C4orf50: variants seen among roughly 807,000 people sequenced by gnomAD.
C4orf50 encodes chromosome 4 open reading frame 50, also known as uncharacterized protein C4orf50.
In C4orf50, 80 loss-of-function variants were observed where a neutral mutation model predicts 77.2. That is an observed-to-expected ratio of 1.04 (90% CI 0.87 to 1.25). The LOEUF is 1.25. Among genes scored for constraint, C4orf50 ranks in the 50% most tolerant of loss-of-function variants. The pLI, the probability that C4orf50 is intolerant of heterozygous loss-of-function variation, is 0.00. For synonymous variants in C4orf50, 532 were observed against 465.3 expected (o/e 1.14, Z -1.84); for missense variants, 1,257 against 1,152.9 (o/e 1.09, Z -1.31).
chr4:5,963,763 T>C (rs1303179847), intron 33 of C4orf50, among the ~76,000 whole-genome samples: 2 of 152,230 alleles, frequency 1.3e-5, no homozygotes, highest in African/African-American at 4.8e-5. Context: ...CACTCAGCTC[T>C]GCCTGCCTGA....
At chr4:5,921,675 G>A (rs1717279575) in intron 7 of C4orf50, among the ~76,000 whole-genome samples, 2 of 152,294 alleles carry the variant, frequency 1.3e-5, no homozygotes, top group African/African-American at 2.4e-5. Flanking sequence ...AGAGGAGGAG[G>A]AGGGGACACT....
intron 7 of C4orf50, among the ~76,000 whole-genome samples, chr4:5,907,377 G>C (rs545760041): frequency 6.6e-6 from 1 of 152,234 alleles, no homozygotes; most frequent in South Asian, 2.1e-4. Flanking sequence ...AGGAATTATA[G>C]ATATCCAACA....
At chr4:6,013,302 T>A (rs575251061) in intron 23 of C4orf50, among the ~76,000 whole-genome samples, 1 of 152,182 alleles carries the variant, frequency 6.6e-6, no homozygotes, top group Admixed American at 6.5e-5. Context: ...CAGCTCCAGT[T>A]AGCCAGAGTC....
chr4:5,926,709 G>A (rs897348614), intron 7 of C4orf50, among the ~76,000 whole-genome samples: 7 of 151,854 alleles, frequency 4.6e-5, no homozygotes, highest in African/African-American at 1.7e-4. Flanking sequence ...AATGACAAGC[G>A]CAATAAAGTG....
At chr4:5,977,925 T>C (rs1454948851) in intron 29 of C4orf50, among the ~76,000 whole-genome samples, 1 of 152,174 alleles carries the variant, frequency 6.6e-6, no homozygotes, top group Admixed American at 6.5e-5. Flanking sequence ...ATATATCTAA[T>C]AAAGGACTTC....
intron 26 of C4orf50, among the ~76,000 whole-genome samples, chr4:5,993,236 C>T (rs140314077): frequency 6.6e-6 from 1 of 152,350 alleles, no homozygotes; most frequent in East Asian, 1.9e-4. Context: ...GCATCCTCAT[C>T]TGTCAAACAG....
At chr4:6,001,644 A>C (rs1395632046) in intron 25 of C4orf50, among the ~76,000 whole-genome samples, 2 of 152,204 alleles carry the variant, frequency 1.3e-5, no homozygotes, top group Non-Finnish European at 2.9e-5. Context: ...GATAACAGAG[A>C]GTCAGTGCTA....
intron 29 of C4orf50, 121 bp downstream of exon 7, chr4:5,980,053 C>A: frequency 5.9e-5 from 38 of 646,316 alleles, no homozygotes; most frequent in East Asian, 1.9e-4. Flanking sequence ...CTTTAAAAAT[C>A]CAGTACCTGC....
chr4:6,003,907 ATGT>A (rs376476078), intron 25 of C4orf50, among the ~76,000 whole-genome samples: 15,653 of 90,556 alleles, frequency 0.17, 2,387 homozygotes, highest in African/African-American at 0.19. Flanking sequence ...TGTGATGGTG[ATGT>A]TGATGATGGT....
chr4:5,947,926 C>T (rs369388780), intron 7 of C4orf50, among the ~76,000 whole-genome samples: 5 of 152,360 alleles, frequency 3.3e-5, no homozygotes, highest in South Asian at 2.1e-4. Flanking sequence ...CGAGATCAGA[C>T]GCATCCAGAT....
chr4:5,962,012 T>G (rs1020303242), intron 33 of C4orf50, among the ~76,000 whole-genome samples: 1 of 152,228 alleles, frequency 6.6e-6, no homozygotes, highest in African/African-American at 2.4e-5. Flanking sequence ...GCTTGCTGTC[T>G]GTTTTTGCCC....
At chr4:6,005,919 T>C (rs58123967) in intron 25 of C4orf50, among the ~76,000 whole-genome samples, 1,920 of 152,164 alleles carry the variant, frequency 0.013, 23 homozygotes, top group African/African-American at 0.034. Flanking sequence ...ATAGGATGAA[T>C]GGAGAGATTG....
chr4:5,939,684 C>T (rs896722046), intron 7 of C4orf50, among the ~76,000 whole-genome samples: 1 of 152,102 alleles, frequency 6.6e-6, no homozygotes, highest in African/African-American at 2.4e-5. Flanking sequence ...CTTTGAAGCC[C>T]CTGAAGTCTC....
At chr4:5,990,467 C>T (rs777958509) in exon 28 of C4orf50, 3 of 400,272 alleles carry the variant, frequency 7.5e-6, no homozygotes, top group Non-Finnish European at 8.8e-6. Context: ...TAGGGGGCCT[C>T]GTGGAAGAGG....
exon 34 of C4orf50, chr4:5,959,331 A>G: frequency 6.3e-7 from 1 of 1,584,660 alleles, no homozygotes; most frequent in Non-Finnish European, 8.6e-7. Flanking sequence ...TGCTTCAAAT[A>G]TTTATGGAGT....
At chr4:5,973,630 C>A (rs756914702) in intron 31 of C4orf50, 29 bp downstream of exon 9, 1 of 1,582,310 alleles carries the variant, frequency 6.3e-7, no homozygotes, top group East Asian at 2.3e-5. Context: ...CCATAGGAAG[C>A]ACAGACAGGG....
chr4:5,977,641 AAAG>A (rs1483722163), intron 29 of C4orf50, among the ~76,000 whole-genome samples: 1 of 152,234 alleles, frequency 6.6e-6, no homozygotes, highest in African/African-American at 2.4e-5. Flanking sequence ...TTTGTTTTAC[AAAG>A]AAGATTTCAA....
intron 7 of C4orf50, chr4:5,898,718 TC>T (rs1202154336): frequency 5.3e-5 from 8 of 152,216 alleles, no homozygotes. Flanking sequence ...AAAGTTAGTA[TC>T]AAGTTTTCAG....
intron 28 of C4orf50, among the ~76,000 whole-genome samples, chr4:5,984,744 G>T (rs1160547218): frequency 2.0e-5 from 3 of 151,782 alleles, no homozygotes; most frequent in Non-Finnish European, 4.4e-5. Context: ...TGAATTTCTA[G>T]AAGGAGAGGA....
Sources: gnomAD v4.1 joint callset for allele counts (sites outside exome capture counted in the v4.1 genomes callset) on GRCh38, gnomAD v4.1.1 for gene constraint, MANE v1.5 for transcripts, NCBI Gene and HGNC (gene_info 2026-07-23, HGNC 2026-07-21) for gene names.